C3: variants seen among roughly 807,000 people sequenced by gnomAD.
The protein encoded by C3 is complement C3, also known as C3 and PZP-like alpha-2-macroglobulin domain-containing protein 1.
Under a neutral mutation model 207.9 loss-of-function variants are expected in C3, and 97 were observed. The ratio of observed to expected loss-of-function variants is 0.47; its 90% CI spans 0.40 to 0.55. The LOEUF is 0.55. Among genes scored for constraint, C3 ranks in the 20% least tolerant of loss-of-function variants. C3 has a pLI of 0.00. For synonymous variants in C3, 848 were observed against 857.6 expected (o/e 0.99, Z 0.20); for missense variants, 1,684 against 2,171.7 (o/e 0.78, Z 4.46).
chr19:6,685,902 CAAG>C (rs1218480967), intron 29 of C3, among the ~76,000 whole-genome samples: 4 of 152,166 alleles, frequency 2.6e-5, no homozygotes, highest in African/African-American at 9.7e-5. Context: ...ACACCTGGGG[CAAG>C]AAGAAGGCTC....
At chr19:6,697,820 A>G (rs1599510595) in intron 19 of C3, 26 bp from the exon 20 acceptor site, 2 of 1,605,728 alleles carry the variant, frequency 1.2e-6, no homozygotes, top group East Asian at 2.2e-5. Context: ...CAGAACACGG[A>G]GTGTCAAGGT....
Position 6,696,618 on chromosome 19 carries a change from G to A in C3, c.2838C>T (p.Thr946=), listed in dbSNP as rs1967539627. The A allele has an allele frequency of 1.2e-6, 2 of 1,613,910 alleles. No individual in the cohort carries two copies. Among genetic ancestry groups the A allele is most frequent in the Admixed American group, 1.7e-5 (1 of 59,968 alleles). Residue 946 remains threonine, a synonymous_variant, in exon 22 of 41, where the codon ACC becomes ACT. Transcript: ENST00000245907. The stretch of plus-strand genomic sequence containing the variant: ...CACGGCCCAGGCGTTCTGGATCCAG[G>A]GTGCGAACAGCCACAGTTTTGTTCA... ...IRMNKTVAVR[T]LDPERLGREG...
Position 6,696,439 on chromosome 19 carries a change from G to A in C3, c.2890C>T (p.Pro964Ser), listed in dbSNP as rs1279794444. 2 of 1,613,646 alleles carry A rather than the reference G, an allele frequency of 1.2e-6. No homozygotes were observed. Among genetic ancestry groups the A allele is most frequent in the East Asian group, 2.2e-5 (1 of 44,862 alleles). The change falls in exon 23 of 41, where the codon CCT (proline) becomes TCT (serine). Residue 964 changes from proline (P) to serine (S), a missense_variant. Transcript: ENST00000245907. ...REGVQKEDIP[P>S]ADLSDQVPDT... ...GGGACTTGGTCACTGAGGTCTGCAG[G>A]TGGGATGTCCTCTTTCTGCACTCCT...
rs149202905 is a variant in C3 at position 6,678,441 on chromosome 19, G to T, written c.4645C>A (p.Leu1549Met). The T allele has an allele frequency of 7.3e-4, 1,177 of 1,614,092 alleles. 7 individuals are homozygous for T. The African/African-American group carries it at 0.014, about 19-fold the overall frequency. ...TCATTGGACAGCTGAACCTTGACCA[G>T]TCGGGTCTTGTACACTGTGGGGGAG... ...PGVDYVYKTR[L>M]VKVQLSNDFD... is the part of the protein sequence containing the mutation. The change falls in exon 39 of 41, where the codon CTG becomes ATG. Residue 1549 changes from leucine (L) to methionine (M), a missense_variant. Physicochemically the swap from Leu to Met is conservative, Grantham distance 15. Transcript: ENST00000245907.
chr19:6,712,675 A>G (rs769858876), intron 9 of C3, 52 bp from the exon 10 acceptor site: 5 of 1,461,132 alleles, frequency 3.4e-6, no homozygotes, highest in Non-Finnish European at 4.8e-6. Flanking sequence ...TCAGGATTAG[A>G]CCTCCTCCCT....
In C3 at chr19:6,712,738, T is replaced by G. The variant is rs1248369396; in HGVS notation, c.1004-115A>C. On this transcript the variant is annotated intron_variant, in intron 9 of 40. Transcript: ENST00000245907. ...CCTCCTCCCTCAGAGTAGAGTCCAC[T>G]TTCATACTGGGCCTGTGCCCCCCAT... 1.0e-5 allele frequency: 9 copies of G among 874,858 alleles called. No homozygotes were observed. The Admixed American group carries it at 1.6e-4, about 16-fold the overall frequency. The allele number at this position is 874,858 out of a possible 1,614,324, so 54.2% of individuals were successfully genotyped here.
rs150631639 is a variant in C3 at position 6,719,196 on chromosome 19, C to A, written c.267+15G>T. 1.9e-6 allele frequency: 3 copies of A among 1,613,050 alleles called. No homozygotes were observed. The highest frequency in any genetic ancestry group is 2.5e-6 in the Non-Finnish European group (3 of 1,179,190). On this transcript the variant is annotated intron_variant, in intron 2 of 40. Coordinates refer to ENST00000245907, the MANE Select transcript of C3 (RefSeq NM_000064.4). The surrounding 1 kb of genome is among the most constrained non-coding windows in gnomAD (Gnocchi z 5.4). ...CTGTGGGTGTCAGCCGGGTCCTGCG[C>A]CAGTCTGCACTCACCGTGAAGGTGA...
At chr19:6,715,002 C>T (rs1165301915) in intron 4 of C3, among the ~76,000 whole-genome samples, 1 of 152,184 alleles carries the variant, frequency 6.6e-6, no homozygotes, top group African/African-American at 2.4e-5. Flanking sequence ...ATTATAATGG[C>T]ACCTACTGTG....
chr19:6,679,113 T>C lies in C3; in HGVS notation c.4630+12A>G, dbSNP rs748579533. On this transcript the variant is annotated intron_variant, in intron 38 of 40. Coordinates refer to ENST00000245907, the MANE Select transcript of C3 (RefSeq NM_000064.4). ...GCTAAACATGCGTGACCCCCACCCA[T>C]CACCCACTCACCATAGTCCACTCCT... The C allele has an allele frequency of 1.9e-6, 3 of 1,604,350 alleles. No individual in the cohort carries two copies. The highest frequency in any genetic ancestry group is 2.6e-6 in the Non-Finnish European group (3 of 1,171,142).
rs367925592 is a variant in C3, at chr19:6,686,115, C to G, written c.3810+9G>C. The G allele has an allele frequency of 4.0e-5, 65 of 1,613,692 alleles. No homozygotes were observed. The highest frequency in any genetic ancestry group is 5.3e-5 in the Non-Finnish European group (62 of 1,179,926). On this transcript the variant is annotated intron_variant, in intron 29 of 40. Coordinates refer to ENST00000245907, the MANE Select transcript of C3 (RefSeq NM_000064.4). ...GATGCATGTGCCTAGGGGCTGTGGG[C>G]CCACTTGCCTGGGTAGAGCCATAGC...
intron 4 of C3, 180 bp downstream of exon 4, chr19:6,717,914 G>C (rs1968075824): frequency 5.7e-6 from 4 of 700,434 alleles, no homozygotes; most frequent in Non-Finnish European, 1.0e-5. Context: ...TGTGTGCTGT[G>C]TGTGTGCATG....
At chr19:6,680,737 T>C (rs1217753845) in intron 35 of C3, among the ~76,000 whole-genome samples, 1 of 152,146 alleles carries the variant, frequency 6.6e-6, no homozygotes, top group East Asian at 1.9e-4. Flanking sequence ...TTTTAGTAGC[T>C]ATTGTTACTT....
intron 36 of C3, among the ~76,000 whole-genome samples, 199 bp from the exon 37 acceptor site, chr19:6,679,695 A>C (rs1343136174): frequency 2.0e-5 from 3 of 151,942 alleles, no homozygotes; most frequent in Non-Finnish European, 2.9e-5. Flanking sequence ...TTAGACTCTC[A>C]ACTCACAGAA....
At chr19:6,714,626 C>T (rs1381572185) in intron 4 of C3, among the ~76,000 whole-genome samples, 180 bp from the exon 5 acceptor site, 1 of 152,200 alleles carries the variant, frequency 6.6e-6, no homozygotes, top group Non-Finnish European at 1.5e-5. Context: ...CTCTGGGAGG[C>T]TGAGGCGGGC....
At position 6,712,392 on chromosome 19, in the gene C3, G is replaced by A; in HGVS notation, c.1134C>T (p.Asn378=). ...MPFDLMVFVT[N]PDGSPAYRVP... ...CTCGGTAGGCTGGAGAGCCATCAGG[G>A]TTCGTCACGAACACCTGTGATGTGG... The change falls in exon 11 of 41, where the codon AAC becomes AAT. Residue 378 remains asparagine, a synonymous_variant. Transcript: ENST00000245907. 1 of 1,614,164 alleles carries A rather than the reference G, an allele frequency of 6.2e-7. No individual in the cohort carries two copies. The highest frequency in any genetic ancestry group is 8.5e-7 in the Non-Finnish European group (1 of 1,180,000).
chr19:6,686,461 C>G, intron 28 of C3, 174 bp from the exon 29 acceptor site: 1 of 738,482 alleles, frequency 1.4e-6, no homozygotes, highest in South Asian at 1.5e-5. Flanking sequence ...TTCATCAACT[C>G]TCACTTCTCC....
chr19:6,685,172 G>C, intron 29 of C3, 26 bp from the exon 30 acceptor site: 1 of 1,610,646 alleles, frequency 6.2e-7, no homozygotes, highest in Non-Finnish European at 8.5e-7. Flanking sequence ...GAGAAAGATG[G>C]TGATCTGGGA....
chr19:6,700,620 A>G (rs917054253), intron 19 of C3, among the ~76,000 whole-genome samples: 489 of 38,470 alleles, frequency 0.013, 1 homozygote, highest in East Asian at 0.11. Flanking sequence ...TATGTAATAT[A>G]TAATATATGA....
chr19:6,690,545 C>G (rs1206338109), intron 27 of C3, 84 bp downstream of exon 27: 4 of 1,083,796 alleles, frequency 3.7e-6, no homozygotes, highest in Non-Finnish European at 4.3e-6. Flanking sequence ...TGCAAATTCC[C>G]TGAAGGCAAC....
Sources: allele counts gnomAD v4.1 joint callset (sites outside exome capture counted in the v4.1 genomes callset), GRCh38; gene constraint gnomAD v4.1.1; non-coding constraint Gnocchi (gnomAD v3.1); transcripts MANE v1.5; gene names NCBI Gene and HGNC (gene_info 2026-07-23, HGNC 2026-07-21).